Variants in FAM168B observed in about 807,000 individuals in gnomAD.
The protein encoded by FAM168B is myelin-associated neurite-outgrowth inhibitor.
In FAM168B, 19 loss-of-function variants were observed where a neutral mutation model predicts 21.8. That is an observed-to-expected ratio of 0.87 (90% CI 0.61 to 1.28). FAM168B has a LOEUF of 1.28. Among genes scored for constraint, FAM168B ranks in the 50% most tolerant of loss-of-function variants. The pLI is 0.00. For missense variants in FAM168B, 233 were observed against 263.1 expected (o/e 0.89, Z 0.79); for synonymous variants, 126 against 104.8 (o/e 1.20, Z -1.24).
intron 1 of FAM168B, among the ~76,000 whole-genome samples, chr2:131,092,657 T>C (rs1291694566): frequency 6.6e-6 from 1 of 152,288 alleles, no homozygotes; most frequent in East Asian, 1.9e-4. Flanking sequence ...ATACCCTTAT[T>C]TGTGGACGTC....
chr2:131,062,549 G>A (rs2105487657), intron 3 of FAM168B, among the ~76,000 whole-genome samples: 1 of 152,322 alleles, frequency 6.6e-6, no homozygotes, highest in African/African-American at 2.4e-5. Flanking sequence ...CCGGGTTCAA[G>A]CGATTCTTCT....
intron 2 of FAM168B, among the ~76,000 whole-genome samples, chr2:131,073,431 C>T (rs113917074): frequency 0.014 from 2,148 of 152,188 alleles, 51 homozygotes; most frequent in African/African-American, 0.048. Flanking sequence ...TCCAGCATGA[C>T]CAGCTAATAT....
At position 131,053,970 on chromosome 2, in the gene FAM168B, G is replaced by A. The variant is rs1012671755; in HGVS notation, c.476-955C>T. On this transcript the variant is annotated intron_variant, in intron 5 of 6. Transcript: ENST00000389915. Reference sequence around the variant, plus strand: ...TGTAAGCCCAGCACTCTGGGAGGCCGAGGCAGGTGGATCACCTGAGGTCAG... The same window carrying A: ...TGTAAGCCCAGCACTCTGGGAGGCCAAGGCAGGTGGATCACCTGAGGTCAG... 6.6e-5 allele frequency among the ~76,000 whole-genome samples: 10 copies of A among 152,146 alleles called. No individual in the cohort carries two copies. The East Asian group carries it at 9.6e-4, about 15-fold the overall frequency.
intron 1 of FAM168B, among the ~76,000 whole-genome samples, chr2:131,084,782 T>G (rs913128047): frequency 6.6e-6 from 1 of 152,058 alleles, no homozygotes; most frequent in Admixed American, 6.6e-5. Context: ...GGTCTCGCTC[T>G]GCCAGTCATA....
rs550778846 is a variant in FAM168B, at chr2:131,058,318, C to G, written c.155-2623G>C. ...TGCACACTGTATCAATTAAGCAACA[C>G]GAAGCCTTCAACATCAGCCTTCTCA... On this transcript the variant is annotated intron_variant, in intron 3 of 6. Coordinates refer to ENST00000389915, the MANE Select transcript of FAM168B (RefSeq NM_001009993.4). 2.6e-5 allele frequency among the ~76,000 whole-genome samples: 4 copies of G among 152,242 alleles called. No homozygotes were observed. In the East Asian group the frequency reaches 7.7e-4, roughly 29 times the overall value.
rs1016143321 is a variant in FAM168B, at chr2:131,055,427, G to T, written c.320C>A (p.Pro107Gln). The T allele has an allele frequency of 1.2e-6, 2 of 1,609,314 alleles. No individual in the cohort carries two copies. The highest frequency in any genetic ancestry group is 2.7e-5 in the African/African-American group (2 of 74,580). The change falls in exon 5 of 7, where the codon CCG becomes CAG. Residue 107 changes from proline (P) to glutamine (Q), a missense_variant. Physicochemically the swap from Pro to Gln is moderately conservative, Grantham distance 76. Transcript: ENST00000389915. The part of the protein sequence containing the change: ...YAQQGTYYTQ[P>Q]LYAAPPHVIH... ...GACGTGAGGAGGTGCTGCATACAGC[G>T]GCTGTGTGTAGTACGTGCCTTGCTG...
At chr2:131,073,171 C>A (rs1417423523) in intron 2 of FAM168B, among the ~76,000 whole-genome samples, 1 of 151,574 alleles carries the variant, frequency 6.6e-6, no homozygotes, top group East Asian at 1.9e-4. Flanking sequence ...CGGCTCACTG[C>A]AACCTCCGCC....
intron 2 of FAM168B, among the ~76,000 whole-genome samples, chr2:131,074,481 T>C (rs2105535163): frequency 6.6e-6 from 1 of 152,318 alleles, no homozygotes; most frequent in South Asian, 2.1e-4. Context: ...TCAGGTTTCC[T>C]AGCCTTGATT....
chr2:131,071,806 CTT>C (rs779480186), intron 3 of FAM168B, 47 bp downstream of exon 3: 6 of 1,555,652 alleles, frequency 3.9e-6, no homozygotes, highest in Non-Finnish European at 4.4e-6. Context: ...ACCCCTTCAC[CTT>C]TCTCTCCCAG....
chr2:131,085,813 CTT>C (rs932676655), intron 1 of FAM168B, among the ~76,000 whole-genome samples: 32 of 152,226 alleles, frequency 2.1e-4, no homozygotes, highest in African/African-American at 7.5e-4. Context: ...ACCAACAAAA[CTT>C]TGTACAATGA....
At chr2:131,063,866 C>CA (rs1553452417) in intron 3 of FAM168B, among the ~76,000 whole-genome samples, 1 of 148,510 alleles carries the variant, frequency 6.7e-6, no homozygotes, top group Non-Finnish European at 1.5e-5. Flanking sequence ...TGCTTGCCAC[C>CA]TTTTTTTTTT....
At chr2:131,061,881 G>C (rs575833413) in intron 3 of FAM168B, among the ~76,000 whole-genome samples, 1 of 152,248 alleles carries the variant, frequency 6.6e-6, no homozygotes, top group African/African-American at 2.4e-5. Context: ...GAAAGATGCT[G>C]ATCTGGAAGA....
At chr2:131,058,851 C>T (rs1038912289) in intron 3 of FAM168B, among the ~76,000 whole-genome samples, 1 of 152,158 alleles carries the variant, frequency 6.6e-6, no homozygotes, top group African/African-American at 2.4e-5. Context: ...AATCTGTACA[C>T]TTAGTTGTAT....
In FAM168B at chr2:131,050,265, T is replaced by C. The variant is rs542105164; in HGVS notation, c.*2200A>G. 2.0e-6 allele frequency: 2 copies of C among 985,468 alleles called. No individual in the cohort carries two copies. Among genetic ancestry groups the C allele is most frequent in the African/African-American group, 3.5e-5 (2 of 57,366 alleles). The allele number at this position is 985,468 out of a possible 1,614,324, so 61.0% of individuals were successfully genotyped here. ...CCCTCACAGGAGTTGTACATGTATGTTTCCATTTTGTTGTGTGGGGCTTTT... is the reference window on the plus strand; with the variant it reads ...CCCTCACAGGAGTTGTACATGTATGCTTCCATTTTGTTGTGTGGGGCTTTT... On this transcript the variant is annotated 3_prime_UTR_variant, in exon 7 of 7. Coordinates refer to ENST00000389915, the MANE Select transcript of FAM168B (RefSeq NM_001009993.4).
chr2:131,087,952 A>G (rs1693799984), intron 1 of FAM168B, among the ~76,000 whole-genome samples: 1 of 152,184 alleles, frequency 6.6e-6, no homozygotes, highest in Non-Finnish European at 1.5e-5. Flanking sequence ...CAATAATAAT[A>G]AAACTCTACT....
chr2:131,092,932 A>G (rs1694109331), intron 1 of FAM168B, among the ~76,000 whole-genome samples: 1 of 151,924 alleles, frequency 6.6e-6, no homozygotes. Flanking sequence ...GACGGCTGTG[A>G]CCCCGACCTT....
At chr2:131,059,517 A>G (rs115785621) in intron 3 of FAM168B, among the ~76,000 whole-genome samples, 3,228 of 152,170 alleles carry the variant, frequency 0.021, 118 homozygotes, top group African/African-American at 0.073. Flanking sequence ...TCTGCCTCAT[A>G]TTTCCACTAG....
intron 3 of FAM168B, among the ~76,000 whole-genome samples, chr2:131,069,510 T>TG (rs565342725): frequency 4.7e-4 from 71 of 151,998 alleles, no homozygotes; most frequent in Middle Eastern, 6.8e-3. Context: ...TTTTTTTTTT[T>TG]GGGGACGGAG....
At chr2:131,069,077 G>A (rs1433599166) in intron 3 of FAM168B, among the ~76,000 whole-genome samples, 1 of 152,240 alleles carries the variant, frequency 6.6e-6, no homozygotes, top group Non-Finnish European at 1.5e-5. Flanking sequence ...CACCCAAGGG[G>A]GGAAGGTGTC....
Sources: allele counts gnomAD v4.1 joint callset (sites outside exome capture counted in the v4.1 genomes callset), GRCh38; gene constraint gnomAD v4.1.1; transcripts MANE v1.5; gene names NCBI Gene and HGNC (gene_info 2026-07-23, HGNC 2026-07-21).